Variants in NCK2 observed in about 807,000 individuals in gnomAD.
NCK2 encodes NCK adaptor protein 2.
NCK2 carries 16 observed loss-of-function variants against 33.9 expected under a neutral mutation model. The ratio of observed to expected loss-of-function variants is 0.47; its 90% CI spans 0.32 to 0.72. The LOEUF is 0.72. Ranked by LOEUF, NCK2 falls within the 30% of genes least tolerant of loss-of-function variation. The pLI is 0.03. For synonymous variants in NCK2, 273 were observed against 239.9 expected, an observed-to-expected ratio of 1.14 and a Z score of -1.27; for missense variants, 418 against 537.3, an observed-to-expected ratio of 0.78 and a Z score of 2.19.
At chr2:105,885,449 T>C (rs1331522965) in intron 4 of NCK2, among the ~76,000 whole-genome samples, 1 of 152,246 alleles carries the variant, frequency 6.6e-6, no homozygotes, top group Non-Finnish European at 1.5e-5. Context: ...AAAGTTATAA[T>C]ATTTCTTAAA....
intron 1 of NCK2, among the ~76,000 whole-genome samples, chr2:105,778,516 C>T (rs1245623265): frequency 6.6e-6 from 1 of 152,198 alleles, no homozygotes; most frequent in African/African-American, 2.4e-5. Context: ...GGAAGAAGCC[C>T]TTGGTTCTGG....
At chr2:105,879,299 G>A (rs574855385) in intron 3 of NCK2, among the ~76,000 whole-genome samples, 4 of 152,346 alleles carry the variant, frequency 2.6e-5, no homozygotes, top group South Asian at 2.1e-4. Flanking sequence ...TGATAAGGCC[G>A]TGAGGCCTTC....
At chr2:105,792,334 G>C (rs1690915164) in intron 1 of NCK2, among the ~76,000 whole-genome samples, 1 of 152,190 alleles carries the variant, frequency 6.6e-6, no homozygotes, top group South Asian at 2.1e-4. Context: ...AAATTGCCCA[G>C]CTTCAGCAGT....
chr2:105,809,539 G>A (rs1675211938), intron 1 of NCK2, among the ~76,000 whole-genome samples: 1 of 152,126 alleles, frequency 6.6e-6, no homozygotes, highest in South Asian at 2.1e-4. Context: ...AGTCCTATTG[G>A]ATTAGGGTCC....
chr2:105,885,250 T>C (rs1368072055), intron 4 of NCK2, among the ~76,000 whole-genome samples: 2 of 152,246 alleles, frequency 1.3e-5, no homozygotes, highest in Non-Finnish European at 2.9e-5. Flanking sequence ...AGATATCATG[T>C]ATTTATTATG....
rs141287721 is a variant in NCK2, at chr2:105,808,115, A to C, written c.-200-8315A>C. On this transcript the variant is annotated intron_variant, in intron 1 of 4. Coordinates refer to ENST00000233154, the MANE Select transcript of NCK2 (RefSeq NM_003581.5). ...ACAGGGTTTCACCATGTTGGCCAGG[A>C]TGGTCTTGATCTGACCTCATGATCC... Among the ~76,000 whole-genome samples the C allele has an allele frequency of 4.1e-3, 630 of 152,148 alleles. 6 individuals are homozygous for C. The highest frequency in any genetic ancestry group is 0.014 in the African/African-American group (602 of 41,526).
intron 4 of NCK2, among the ~76,000 whole-genome samples, chr2:105,891,156 C>T (rs999818092): frequency 6.6e-6 from 1 of 152,248 alleles, no homozygotes; most frequent in South Asian, 2.1e-4. Context: ...GCTACGCATA[C>T]TCTCACACAC....
rs1183954324 is a variant in NCK2, at chr2:105,881,989, G to C, written c.888G>C (p.Glu296Asp). The C allele has an allele frequency of 1.3e-6, 2 of 1,512,722 alleles. No homozygotes were observed. The highest frequency in any genetic ancestry group is 2.8e-5 in the African/African-American group (2 of 71,636). The allele number at this position is 1,512,722 out of a possible 1,614,324, so 93.7% of individuals were successfully genotyped here. A position where few individuals can be genotyped will look rare whatever the true frequency, so the allele number is the denominator to read the frequency against. ...YYGNVTRHQA[E>D]CALNERGVEG... is the part of the protein sequence containing the mutation. ...GGAACGTGACGCGGCACCAGGCCGA[G>C]TGCGCCCTCAACGAGCGGGGCGTGG... The change falls in exon 4 of 5, where the codon GAG becomes GAC. Residue 296 changes from glutamate to aspartate, a missense_variant. Glu to Asp is a conservative substitution (Grantham distance 45, BLOSUM62 2). Transcript: ENST00000233154.
intron 1 of NCK2, among the ~76,000 whole-genome samples, chr2:105,808,847 T>G (rs924187552): frequency 3.3e-5 from 5 of 152,238 alleles, no homozygotes; most frequent in Non-Finnish European, 7.3e-5. Context: ...GATACTGAAG[T>G]TGTGCTGATC....
At chr2:105,777,899 A>T (rs1437627574) in intron 1 of NCK2, among the ~76,000 whole-genome samples, 1 of 152,210 alleles carries the variant, frequency 6.6e-6, no homozygotes, top group African/African-American at 2.4e-5. Flanking sequence ...ACAGGATTCC[A>T]GCAGCAGCAC....
intron 2 of NCK2, among the ~76,000 whole-genome samples, chr2:105,843,602 A>T (rs575184870): frequency 7.2e-5 from 11 of 152,216 alleles, no homozygotes; most frequent in Non-Finnish European, 1.3e-4. Context: ...GAACACTCGC[A>T]GTGATGGTGA....
intron 1 of NCK2, among the ~76,000 whole-genome samples, chr2:105,786,967 C>T (rs780879396): frequency 5.3e-5 from 8 of 152,364 alleles, no homozygotes; most frequent in Middle Eastern, 6.8e-3. Flanking sequence ...CTTCAGCTGG[C>T]GTGGTGCCGC....
At chr2:105,836,396 G>A (rs1254446067) in intron 2 of NCK2, among the ~76,000 whole-genome samples, 7 of 152,120 alleles carry the variant, frequency 4.6e-5, no homozygotes, top group African/African-American at 1.7e-4. Context: ...TGTCAGTGGT[G>A]TCTGCAAGTG....
chr2:105,778,924 T>C (rs1690397863), intron 1 of NCK2, among the ~76,000 whole-genome samples: 1 of 152,178 alleles, frequency 6.6e-6, no homozygotes. Flanking sequence ...TCAAGAGCTT[T>C]AAGAATATGC....
At chr2:105,808,118 G>A (rs903265825) in intron 1 of NCK2, among the ~76,000 whole-genome samples, 1 of 152,096 alleles carries the variant, frequency 6.6e-6, no homozygotes, top group Non-Finnish European at 1.5e-5. Flanking sequence ...GGCCAGGATG[G>A]TCTTGATCTG....
At chr2:105,814,522 C>T (rs912395809) in intron 1 of NCK2, among the ~76,000 whole-genome samples, 1 of 152,134 alleles carries the variant, frequency 6.6e-6, no homozygotes, top group Non-Finnish European at 1.5e-5. Context: ...GTTCTAAATC[C>T]AGCTCATTGT....
At chr2:105,788,113 C>G (rs1416384429) in intron 1 of NCK2, among the ~76,000 whole-genome samples, 2 of 152,198 alleles carry the variant, frequency 1.3e-5, no homozygotes, top group Non-Finnish European at 2.9e-5. Context: ...ACTTTCCTTT[C>G]ACTTCCGTAA....
intron 2 of NCK2, among the ~76,000 whole-genome samples, chr2:105,835,441 A>G (rs1375553389): frequency 3.2e-5 from 3 of 93,712 alleles, no homozygotes; most frequent in African/African-American, 5.4e-5. Context: ...TTTGGTCAGC[A>G]TTTTGAATAT....
intron 1 of NCK2, among the ~76,000 whole-genome samples, chr2:105,762,252 C>T (rs778036531): frequency 6.6e-6 from 1 of 152,156 alleles, no homozygotes; most frequent in African/African-American, 2.4e-5. Flanking sequence ...TTGAAAGAGG[C>T]CTTGCCGAGG....
Sources: allele counts gnomAD v4.1 joint callset (sites outside exome capture counted in the v4.1 genomes callset), GRCh38; gene constraint gnomAD v4.1.1; transcripts MANE v1.5; gene names NCBI Gene and HGNC (gene_info 2026-07-23, HGNC 2026-07-21).